The following MAF1 variants were observed in gnomAD, a reference collection of about 807,000 sequenced individuals.
MAF1 encodes the protein MAF1 negative regulator of RNA polymerase III, also known as repressor of RNA polymerase III transcription MAF1 homolog.
Under a neutral mutation model 31.9 loss-of-function variants are expected in MAF1, and 7 were observed. The observed-to-expected ratio is 0.22, with a 90% CI of 0.12 to 0.41. MAF1 has a LOEUF of 0.41. Ranked by LOEUF, MAF1 falls within the 10% of genes least tolerant of loss-of-function variation. The probability of loss-of-function intolerance (pLI) is 1.00; values close to 1 mark genes in which losing one functional copy is unlikely to be tolerated. For synonymous variants in MAF1, 157 were observed against 120.0 expected (o/e 1.31, Z -2.02); for missense variants, 221 against 323.1 (o/e 0.68, Z 2.42).
In MAF1 at chr8:144,105,647, T is replaced by C. The variant is rs1312553519; in HGVS notation, c.-37T>C. 7 of 1,586,584 alleles carry C rather than the reference T, an allele frequency of 4.4e-6. No individual in the cohort carries two copies. Among genetic ancestry groups the C allele is most frequent in the Admixed American group, 1.7e-5 (1 of 59,972 alleles). On this transcript the variant is annotated 5_prime_UTR_variant, in exon 2 of 8. Coordinates refer to ENST00000322428, the MANE Select transcript of MAF1 (RefSeq NM_032272.5). ...TGGTCTCTCACTCCCCAGGCAATAC[T>C]AGCCCCTCTGGAGCACGGAGCTCCT...
rs1587618083 is a variant in MAF1, at chr8:144,105,378, C to T, written c.-44-262C>T. The T allele has an allele frequency of 1.8e-5, 7 of 397,916 alleles. No individual in the cohort carries two copies. In the East Asian group the frequency reaches 2.4e-4, roughly 13 times the overall value. 24.6% of individuals were successfully genotyped at this position (397,916 alleles called of 1,614,324 possible). On this transcript the variant is annotated intron_variant, in intron 1 of 7. Transcript: ENST00000322428. ...CCAGCAGCCCCAGGGTGAGCAGGGTCCCCGGTGGTCTAGTCTAGTCCCAGA... is the reference window on the plus strand; with the variant it reads ...CCAGCAGCCCCAGGGTGAGCAGGGTTCCCGGTGGTCTAGTCTAGTCCCAGA...
chr8:144,105,330 G>T (rs1473425913), intron 1 of MAF1: 1 of 277,394 alleles, frequency 3.6e-6, no homozygotes. Context: ...ATGGGGAATG[G>T]GAATGTTGAG....
In MAF1 at chr8:144,107,447, G is replaced by A; in HGVS notation, c.*338G>A. ...CTGGGCCTGCACACTCCAGCCCAAAGGGTCTGTGGCCGGAGGCCCCACGAG... is the reference window on the plus strand; with the variant it reads ...CTGGGCCTGCACACTCCAGCCCAAAAGGTCTGTGGCCGGAGGCCCCACGAG... On this transcript the variant is annotated 3_prime_UTR_variant, in exon 8 of 8. Coordinates refer to ENST00000322428, the MANE Select transcript of MAF1 (RefSeq NM_032272.5). 1 of 581,520 alleles carries A rather than the reference G, an allele frequency of 1.7e-6. No homozygotes were observed. 36.0% of individuals were successfully genotyped at this position (581,520 alleles called of 1,614,324 possible).
Position 144,107,466 on chromosome 8 carries a change from C to T in MAF1, c.*357C>T, listed in dbSNP as rs754328218. 6 of 582,974 alleles carry T rather than the reference C, an allele frequency of 1.0e-5. No individual in the cohort carries two copies. The highest frequency in any genetic ancestry group is 1.8e-5 in the Non-Finnish European group (6 of 326,700). The allele number at this position is 582,974 out of a possible 1,614,324, so 36.1% of individuals were successfully genotyped here. On this transcript the variant is annotated 3_prime_UTR_variant, in exon 8 of 8. Transcript: ENST00000322428. ...CCCAAAGGGTCTGTGGCCGGAGGCC[C>T]CACGAGCAGGCCCCAGCAGTCACCG...
Position 144,104,596 on chromosome 8 carries a change from G to C in MAF1, c.-307G>C, listed in dbSNP as rs1389897869. The C allele has an allele frequency of 1.3e-5, 2 of 152,232 alleles. No individual in the cohort carries two copies. The highest frequency in any genetic ancestry group is 1.3e-4 in the Admixed American group (2 of 15,290). 9.4% of individuals were successfully genotyped at this position (152,232 alleles called of 1,614,324 possible). A position where few individuals can be genotyped will look rare whatever the true frequency, so the allele number is the denominator to read the frequency against. ...GCGGTCGGCGGCAGGTCGGTCGCGA[G>C]AGCGGGCTCTGTGGAAGGGGGCGAG... On this transcript the variant is annotated 5_prime_UTR_variant, in exon 1 of 8. Transcript: ENST00000322428.
Position 144,107,129 on chromosome 8 carries a change from C to T in MAF1, c.*20C>T, listed in dbSNP as rs1316995992. 2.6e-6 allele frequency: 4 copies of T among 1,555,230 alleles called. No individual in the cohort carries two copies. Among genetic ancestry groups the T allele is most frequent in the African/African-American group, 1.4e-5 (1 of 73,162 alleles). ...ATTTGATGAGGAGGAGCCGAGGCCC[C>T]AGCTTCATCCAGCTTCAACCAATGC... is the stretch of plus-strand genomic sequence containing the variant. On this transcript the variant is annotated 3_prime_UTR_variant, in exon 8 of 8. Transcript: ENST00000322428.
chr8:144,106,105 A>G lies in MAF1; in HGVS notation c.242A>G (p.Glu81Gly). The change falls in exon 4 of 8, where the codon GAG becomes GGG. Residue 81 changes from glutamate (E) to glycine (G), a missense_variant. Coordinates refer to ENST00000322428, the MANE Select transcript of MAF1 (RefSeq NM_032272.5). Reference protein sequence around the residue: ...RLSKSQGGEEEGPLSDKCSRK... With the variant: ...RLSKSQGGEEGGPLSDKCSRK... ...AGCAAAAGCCAAGGCGGTGAGGAGG[A>G]GGGCCCCCTCAGTGACAAGTGCAGC... 6.2e-7 allele frequency: 1 copy of G among 1,613,630 alleles called. No individual in the cohort carries two copies. The highest frequency in any genetic ancestry group is 8.5e-7 in the Non-Finnish European group (1 of 1,180,008).
chr8:144,105,603 C>G, intron 1 of MAF1, 37 bp from the exon 2 acceptor site: 1 of 1,324,100 alleles, frequency 7.6e-7, no homozygotes, highest in Non-Finnish European at 1.1e-6. Context: ...CCCAAGGGGC[C>G]AGATAGATAC....
rs1836433862 is a variant in MAF1 at position 144,107,255 on chromosome 8, GCCCTTTGGCTC to G, written c.*148_*158del. On this transcript the variant is annotated 3_prime_UTR_variant, in exon 8 of 8. Transcript: ENST00000322428. ...CACTGCCCAAGGCCATACCTGCCTA[GCCCTTTGGCTC>G]CATCCTGTGGATGCCCACTCACCCC... 2 of 1,060,204 alleles carry G rather than the reference GCCCTTTGGCTC, an allele frequency of 1.9e-6. No individual in the cohort carries two copies. Among genetic ancestry groups the G allele is most frequent in the Non-Finnish European group, 1.4e-6 (1 of 709,370 alleles). 65.7% of individuals were successfully genotyped at this position (1,060,204 alleles called of 1,614,324 possible). A position where few individuals can be genotyped will look rare whatever the true frequency, so the allele number is the denominator to read the frequency against.
rs1225786872 is a variant in MAF1 at position 144,105,693 on chromosome 8, T to C, written c.10T>C (p.Leu4=). The C allele has an allele frequency of 4.3e-6, 7 of 1,613,334 alleles. 1 individual carries two copies. Among genetic ancestry groups the C allele is most frequent in the East Asian group, 4.5e-5 (2 of 44,882 alleles). The change falls in exon 2 of 8, where the codon TTG becomes CTG. Residue 4 remains leucine, a synonymous_variant. Transcript: ENST00000322428. Reference sequence around the variant, plus strand: ...CTCCTTCCCCAAAGACATGAAGCTATTGGAGAACTCGAGCTTTGAAGCCAT... The same window carrying C: ...CTCCTTCCCCAAAGACATGAAGCTACTGGAGAACTCGAGCTTTGAAGCCAT... MKL[L]ENSSFEAINS...
At chr8:144,105,615 C>G in intron 1 of MAF1, 25 bp from the exon 2 acceptor site, 1 of 1,413,266 alleles carries the variant, frequency 7.1e-7, no homozygotes, top group African/African-American at 1.4e-5. Context: ...GATAGATACC[C>G]ATGGTCTGGT....
At chr8:144,105,273 A>C in intron 1 of MAF1, 1 of 187,228 alleles carries the variant, frequency 5.3e-6, no homozygotes, top group Non-Finnish European at 1.1e-5. Flanking sequence ...TGCGGACTCA[A>C]GAGTTACCCC....
intron 1 of MAF1, 98 bp from the exon 2 acceptor site, chr8:144,105,542 A>G (rs544172989): frequency 2.9e-6 from 2 of 689,412 alleles, no homozygotes; most frequent in Admixed American, 2.6e-5. Flanking sequence ...GGCCAGACTC[A>G]GCTTGTTCCT....
rs369586633 is a variant in MAF1, at chr8:144,107,459, G to A, written c.*350G>A. On this transcript the variant is annotated 3_prime_UTR_variant, in exon 8 of 8. Transcript: ENST00000322428. The stretch of plus-strand genomic sequence containing the variant: ...ACTCCAGCCCAAAGGGTCTGTGGCC[G>A]GAGGCCCCACGAGCAGGCCCCAGCA... The A allele has an allele frequency of 1.5e-5, 9 of 581,934 alleles. No homozygotes were observed. The highest frequency in any genetic ancestry group is 4.0e-5 in the South Asian group (2 of 49,416). The allele number at this position is 581,934 out of a possible 1,614,324, so 36.0% of individuals were successfully genotyped here.
rs1564317890 is a variant in MAF1, at chr8:144,106,136, G to A, written c.273G>A (p.Lys91=). The A allele has an allele frequency of 6.2e-7, 1 of 1,613,826 alleles. No homozygotes were observed. The highest frequency in any genetic ancestry group is 8.5e-7 in the Non-Finnish European group (1 of 1,180,042). The change falls in exon 4 of 8, where the codon AAG becomes AAA. Residue 91 remains lysine (K), a synonymous_variant. Transcript: ENST00000322428. ...CCCTCAGTGACAAGTGCAGCCGCAA[G>A]ACCCTCTTCTACCTGATTGCCACGC... The part of the protein sequence containing the change: ...EGPLSDKCSR[K]TLFYLIATLN...
In MAF1 at chr8:144,106,291, C is replaced by T. The variant is rs751184766; in HGVS notation, c.378+50C>T. ...ACCCACAGCCACCCCACTGTCCTTC[C>T]CCACTTTGGGTAGCCCTGGGCTCCT... On this transcript the variant is annotated intron_variant, in intron 4 of 7. Coordinates refer to ENST00000322428, the MANE Select transcript of MAF1 (RefSeq NM_032272.5). The T allele has an allele frequency of 1.9e-6, 3 of 1,612,860 alleles. No individual in the cohort carries two copies. The Admixed American group carries it at 5.0e-5, about 27-fold the overall frequency.
chr8:144,107,385 G>T lies in MAF1; in HGVS notation c.*276G>T, dbSNP rs912358426. 2.9e-5 allele frequency: 17 copies of T among 594,746 alleles called. No individual in the cohort carries two copies. The highest frequency in any genetic ancestry group is 2.8e-4 in the African/African-American group (15 of 53,736). The allele number at this position is 594,746 out of a possible 1,614,324, so 36.8% of individuals were successfully genotyped here. A position where few individuals can be genotyped will look rare whatever the true frequency, so the allele number is the denominator to read the frequency against. On this transcript the variant is annotated 3_prime_UTR_variant, in exon 8 of 8. Transcript: ENST00000322428. ...CTGCCCAAATGAACTGCCACAGCAG[G>T]GACAGCTGGACCGCAGAGTTTATTT...
In MAF1 at chr8:144,106,295, C is replaced by CT. The variant is rs746995223; in HGVS notation, c.379-45dup. On this transcript the variant is annotated intron_variant, in intron 4 of 7. Coordinates refer to ENST00000322428, the MANE Select transcript of MAF1 (RefSeq NM_032272.5). ...ACAGCCACCCCACTGTCCTTCCCCA[C>CT]TTTGGGTAGCCCTGGGCTCCTGTCA... 27 of 1,612,760 alleles carry CT rather than the reference C, an allele frequency of 1.7e-5. No individual in the cohort carries two copies. The African/African-American group carries it at 3.5e-4, about 21-fold the overall frequency.
rs768590561 is a variant in MAF1, at chr8:144,106,441, C to T, written c.477C>T (p.Cys159=). 1.2e-6 allele frequency: 2 copies of T among 1,613,970 alleles called. No individual in the cohort carries two copies. Among genetic ancestry groups the T allele is most frequent in the South Asian group, 2.2e-5 (2 of 91,082 alleles). ...QLWNAVDEEI[C]LAECDIYSYN... is the part of the protein sequence containing the mutation. ...GGAACGCGGTGGACGAGGAGATCTG[C>T]CTGGCTGAATGTGACATCTACAGGT... Residue 159 remains cysteine (C), a synonymous_variant, in exon 5 of 8, where the codon TGC becomes TGT. Coordinates refer to ENST00000322428, the MANE Select transcript of MAF1 (RefSeq NM_032272.5).
Sources: allele counts gnomAD v4.1 joint callset, GRCh38; gene constraint gnomAD v4.1.1; transcripts MANE v1.5; gene names NCBI Gene and HGNC (gene_info 2026-07-23, HGNC 2026-07-21).